The following CYS1 variants were observed in gnomAD, a reference collection of about 807,000 sequenced individuals.
CYS1 encodes the protein cystin-1.
In CYS1, 5 loss-of-function variants were observed where a neutral mutation model predicts 9.6. That is an observed-to-expected ratio of 0.52 (90% CI 0.27 to 1.10). The LOEUF (loss-of-function observed/expected upper bound fraction) is 1.10. Among genes scored for constraint, CYS1 ranks in the 50% least tolerant of loss-of-function variants. The pLI is 0.11. For missense variants in CYS1, 221 were observed against 207.9 expected (o/e 1.06, Z -0.39); for synonymous variants, 88 against 95.7 (o/e 0.92, Z 0.47).
chr2:10,069,116 G>T (rs1044528811), intron 1 of CYS1, among the ~76,000 whole-genome samples: 5 of 152,058 alleles, frequency 3.3e-5, no homozygotes, highest in Non-Finnish European at 5.9e-5. Flanking sequence ...AGGAAGGGAT[G>T]AGCAGGCGGA....
In CYS1 at chr2:10,076,153, G is replaced by T. The variant is rs191617403; in HGVS notation, c.318+3753C>A. Among the ~76,000 whole-genome samples, 121 of 152,154 alleles carry T rather than the reference G, an allele frequency of 8.0e-4. No individual in the cohort carries two copies. The highest frequency in any genetic ancestry group is 1.2e-3 in the Non-Finnish European group (82 of 68,012). On this transcript the variant is annotated intron_variant, in intron 1 of 2. Transcript: ENST00000381813. The surrounding 1 kb of genome is among the most constrained non-coding windows in gnomAD (Gnocchi z 4.3). ...GCAGTGAGCCGATGCACTCCAGCCT[G>T]GGCGACAGACCAAGATTCCATCTCA...
At chr2:10,070,840 C>A (rs1301189119) in intron 1 of CYS1, among the ~76,000 whole-genome samples, 1 of 150,668 alleles carries the variant, frequency 6.6e-6, no homozygotes. Flanking sequence ...GACGAAGTCT[C>A]CCTATGTTGC....
rs1231132427 is a variant in CYS1 at position 10,058,826 on chromosome 2, G to A, written c.*27C>T. On this transcript the variant is annotated 3_prime_UTR_variant, in exon 3 of 3. Coordinates refer to ENST00000381813, the MANE Select transcript of CYS1 (RefSeq NM_001037160.3). ...GCCCCAGCCAGCAGGTGCCTCCGAG[G>A]CCTGGCGGGGGTGGAGCATGCTGTC... The A allele has an allele frequency of 2.6e-6, 4 of 1,532,804 alleles. No individual in the cohort carries two copies. Among genetic ancestry groups the A allele is most frequent in the Non-Finnish European group, 3.5e-6 (4 of 1,135,032 alleles). The allele number at this position is 1,532,804 out of a possible 1,614,324, so 95.0% of individuals were successfully genotyped here.
chr2:10,062,849 G>GTAC (rs1661645965), intron 2 of CYS1, among the ~76,000 whole-genome samples: 2 of 152,322 alleles, frequency 1.3e-5, no homozygotes, highest in South Asian at 4.1e-4. Context: ...CTTACAGTGG[G>GTAC]TACTCAACAA....
chr2:10,067,235 C>T (rs959536946), intron 1 of CYS1, among the ~76,000 whole-genome samples: 2 of 152,024 alleles, frequency 1.3e-5, no homozygotes, highest in South Asian at 2.1e-4. Flanking sequence ...AGGCTGGTCT[C>T]GAACTCCTCA....
rs1572452350 is a variant in CYS1 at position 10,058,603 on chromosome 2, G to A, written c.*250C>T. ...CTGGGCAGGCTCCCCGCGTTGGGGA[G>A]GAGGCGCCGGCGGCCCAGGCCCACG... On this transcript the variant is annotated 3_prime_UTR_variant, in exon 3 of 3. Transcript: ENST00000381813. 1 of 401,920 alleles carries A rather than the reference G, an allele frequency of 2.5e-6. No individual in the cohort carries two copies. The highest frequency in any genetic ancestry group is 3.7e-5 in the East Asian group (1 of 27,380). The allele number at this position is 401,920 out of a possible 1,614,324, so 24.9% of individuals were successfully genotyped here.
At chr2:10,069,375 GT>G (rs752269499) in intron 1 of CYS1, among the ~76,000 whole-genome samples, 2 of 152,140 alleles carry the variant, frequency 1.3e-5, no homozygotes, top group African/African-American at 2.4e-5. Context: ...TTTTGTTGTT[GT>G]TGTTGTTTTT....
chr2:10,059,096 G>C (rs932234512), intron 2 of CYS1, 138 bp from the exon 3 acceptor site: 2 of 739,832 alleles, frequency 2.7e-6, no homozygotes, highest in Non-Finnish European at 4.5e-6. Flanking sequence ...ACACCCTGTG[G>C]CGCTCTCGCC....
intron 2 of CYS1, among the ~76,000 whole-genome samples, chr2:10,059,222 G>A (rs1363783318): frequency 6.6e-6 from 1 of 152,286 alleles, no homozygotes; most frequent in African/African-American, 2.4e-5. Flanking sequence ...GCTCTGGGGT[G>A]GGAAGACCGA....
chr2:10,058,985 G>C (rs763468447), intron 2 of CYS1, 27 bp from the exon 3 acceptor site: 3 of 1,552,160 alleles, frequency 1.9e-6, no homozygotes, highest in Admixed American at 1.9e-5. Context: ...GGACAGGGCT[G>C]TCAGGAGGCA....
At position 10,076,558 on chromosome 2, in the gene CYS1, C is replaced by T. The variant is rs1661846595; in HGVS notation, c.318+3348G>A. 6.6e-6 allele frequency among the ~76,000 whole-genome samples: 1 copy of T among 152,184 alleles called. No individual in the cohort carries two copies. Among genetic ancestry groups the T allele is most frequent in the Non-Finnish European group, 1.5e-5 (1 of 68,044 alleles). ...CAGCTCTCAGGCTTCCCGCATATAT[C>T]CCACCAAGCAGCACTTCCAGCAGCT... On this transcript the variant is annotated intron_variant, in intron 1 of 2. Transcript: ENST00000381813. The surrounding 1 kb of genome is among the most constrained non-coding windows in gnomAD (Gnocchi z 4.3).
chr2:10,060,264 TA>T (rs1050295755), intron 2 of CYS1, among the ~76,000 whole-genome samples: 172 of 152,320 alleles, frequency 1.1e-3, no homozygotes, highest in African/African-American at 3.8e-3. Context: ...TGCCAGACAT[TA>T]GGGCTAGCCG....
At chr2:10,068,385 CT>C (rs1267407546) in intron 1 of CYS1, among the ~76,000 whole-genome samples, 2 of 152,190 alleles carry the variant, frequency 1.3e-5, no homozygotes, top group African/African-American at 4.8e-5. Context: ...TCATTGGCAG[CT>C]TGTCATCATT....
chr2:10,079,027 T>G (rs867197678), intron 1 of CYS1, among the ~76,000 whole-genome samples: 2 of 152,216 alleles, frequency 1.3e-5, no homozygotes, highest in Middle Eastern at 3.2e-3. Flanking sequence ...GATGTGGTAT[T>G]AAAGGAATCT....
chr2:10,080,203 C>A lies in CYS1; in HGVS notation c.21G>T (p.Arg7=). 2 of 1,063,096 alleles carry A rather than the reference C, an allele frequency of 1.9e-6. No homozygotes were observed. Among genetic ancestry groups the A allele is most frequent in the South Asian group, 3.9e-5 (1 of 25,540 alleles). The allele number at this position is 1,063,096 out of a possible 1,614,324, so 65.9% of individuals were successfully genotyped here. A position where few individuals can be genotyped will look rare whatever the true frequency, so the allele number is the denominator to read the frequency against. Residue 7 remains arginine (R), a synonymous_variant, in exon 1 of 3, where the codon CGG becomes CGT. Transcript: ENST00000381813. This position sits in a 1 kb window ranked among gnomAD's most constrained non-coding sequence, Gnocchi z 6.4. MGSGSS[R]SSRTLRRRRS... Reference sequence around the variant, plus strand: ...GCCGCCGCCTCAGAGTCCGGCTGCTCCGGCTGCTGCCGCTGCCCATGGCGC... The same window carrying A: ...GCCGCCGCCTCAGAGTCCGGCTGCTACGGCTGCTGCCGCTGCCCATGGCGC...
chr2:10,079,657 GC>G (rs1303308512), intron 1 of CYS1, among the ~76,000 whole-genome samples: 1 of 151,764 alleles, frequency 6.6e-6, no homozygotes, highest in Non-Finnish European at 1.5e-5. Context: ...GGCGCGCTCC[GC>G]CTAGGGGTGT....
chr2:10,075,390 G>A (rs531670181), intron 1 of CYS1, among the ~76,000 whole-genome samples: 1 of 152,294 alleles, frequency 6.6e-6, no homozygotes, highest in East Asian at 1.9e-4. Flanking sequence ...AGCTTTTTGG[G>A]GGTCCGCACC....
rs187155219 is a variant in CYS1, at chr2:10,065,164, C to A, written c.371+740G>T. 2.0e-3 allele frequency among the ~76,000 whole-genome samples: 304 copies of A among 152,308 alleles called. 1 individual carries two copies. Among genetic ancestry groups the A allele is most frequent in the African/African-American group, 7.0e-3 (289 of 41,570 alleles). On this transcript the variant is annotated intron_variant, in intron 2 of 2. Coordinates refer to ENST00000381813, the MANE Select transcript of CYS1 (RefSeq NM_001037160.3). Reference sequence around the variant, plus strand: ...GCCCCTGCACTGCAGCCCTCAGCACCGCTGTGGGGCTCAGGGTAGGACCTC... The same window carrying A: ...GCCCCTGCACTGCAGCCCTCAGCACAGCTGTGGGGCTCAGGGTAGGACCTC...
chr2:10,074,731 C>G (rs1661818989), intron 1 of CYS1, among the ~76,000 whole-genome samples: 2 of 152,238 alleles, frequency 1.3e-5, no homozygotes. Flanking sequence ...GCTTGGAATC[C>G]TGTGAAAATG....
Sources: allele counts gnomAD v4.1 joint callset (sites outside exome capture counted in the v4.1 genomes callset), GRCh38; gene constraint gnomAD v4.1.1; non-coding constraint Gnocchi (gnomAD v3.1); transcripts MANE v1.5; gene names NCBI Gene and HGNC (gene_info 2026-07-23, HGNC 2026-07-21).